The following ST18 variants were observed in gnomAD, a reference collection of about 807,000 sequenced individuals.
ST18 encodes suppression of tumorigenicity 18 protein.
In ST18, 50 loss-of-function variants were observed where a neutral mutation model predicts 110.0. That is an observed-to-expected ratio of 0.45 (90% CI 0.36 to 0.58). ST18 has a LOEUF of 0.58. ST18 is among the 20% of genes least tolerant of loss of function. The probability of loss-of-function intolerance (pLI) is 0.00; values close to 1 mark genes in which losing one functional copy is unlikely to be tolerated. For missense variants in ST18, 1,306 were observed against 1,280.1 expected, an observed-to-expected ratio of 1.02 and a Z score of -0.31; for synonymous variants, 461 against 452.4, an observed-to-expected ratio of 1.02 and a Z score of -0.24.
At chr8:52,354,460 T>C (rs1231424966) in intron 2 of ST18, among the ~76,000 whole-genome samples, 1 of 152,138 alleles carries the variant, frequency 6.6e-6, no homozygotes, top group Non-Finnish European at 1.5e-5. Context: ...AGGATAATAT[T>C]TGAAGCCTGA....
chr8:52,184,630 T>C (rs181233666), intron 8 of ST18, among the ~76,000 whole-genome samples: 346 of 152,308 alleles, frequency 2.3e-3, no homozygotes, highest in African/African-American at 7.8e-3. Context: ...TCAGAAAAGA[T>C]ACATTAGGAA....
intron 8 of ST18, among the ~76,000 whole-genome samples, chr8:52,203,844 C>A (rs1353993450): frequency 6.6e-6 from 1 of 152,116 alleles, no homozygotes; most frequent in African/African-American, 2.4e-5. Context: ...TCCAAAAGAG[C>A]CTTAGCAATT....
intron 22 of ST18, among the ~76,000 whole-genome samples, chr8:52,129,546 C>T (rs1409407630): frequency 2.0e-5 from 3 of 151,596 alleles, no homozygotes; most frequent in African/African-American, 7.3e-5. Flanking sequence ...ACTACAGTCT[C>T]TTAAGTATTT....
chr8:52,304,472 C>T (rs1432865633), intron 2 of ST18, among the ~76,000 whole-genome samples: 3 of 151,974 alleles, frequency 2.0e-5, no homozygotes, highest in African/African-American at 7.3e-5. Context: ...TCCTTTGGAT[C>T]CAGAAATATT....
At chr8:52,364,440 G>A (rs1375811098) in intron 2 of ST18, among the ~76,000 whole-genome samples, 1 of 152,144 alleles carries the variant, frequency 6.6e-6, no homozygotes, top group Non-Finnish European at 1.5e-5. Flanking sequence ...ACAATTGTTT[G>A]CATTCAGATG....
intron 4 of ST18, among the ~76,000 whole-genome samples, chr8:52,221,184 A>G (rs1245069991): frequency 1.3e-5 from 2 of 152,108 alleles, no homozygotes; most frequent in Non-Finnish European, 2.9e-5. Flanking sequence ...ATTAGATAAG[A>G]GGGACTCTTA....
At chr8:52,114,883 T>C (rs960279268) in intron 25 of ST18, among the ~76,000 whole-genome samples, 9 of 152,220 alleles carry the variant, frequency 5.9e-5, no homozygotes, top group Admixed American at 3.3e-4. Context: ...TAGAGTGCCC[T>C]GTGTGGTGAG....
At chr8:52,224,659 C>T (rs1218839172) in intron 3 of ST18, among the ~76,000 whole-genome samples, 1 of 152,150 alleles carries the variant, frequency 6.6e-6, no homozygotes, top group Non-Finnish European at 1.5e-5. Context: ...TGGTATCTCG[C>T]TTACTTTTAG....
At chr8:52,215,147 G>C (rs2083663841) in intron 6 of ST18, among the ~76,000 whole-genome samples, 1 of 152,192 alleles carries the variant, frequency 6.6e-6, no homozygotes, top group Non-Finnish European at 1.5e-5. Flanking sequence ...CCTGACACTA[G>C]CTCTGATGTG....
chr8:52,247,393 C>T (rs902207380), intron 2 of ST18, among the ~76,000 whole-genome samples: 1 of 151,640 alleles, frequency 6.6e-6, no homozygotes, highest in African/African-American at 2.4e-5. Flanking sequence ...ACAATACAGA[C>T]CTATTCTGTT....
chr8:52,325,916 A>G (rs1045262260), intron 2 of ST18, among the ~76,000 whole-genome samples: 1 of 152,154 alleles, frequency 6.6e-6, no homozygotes, highest in Non-Finnish European at 1.5e-5. Flanking sequence ...CAAACTGTTC[A>G]TTTCTCCCAA....
rs746952204 is a variant in ST18 at position 52,126,099 on chromosome 8, C to T, written c.2708G>A (p.Gly903Asp). The change falls in exon 23 of 26, where the codon GGC becomes GAC. Residue 903 changes from glycine to aspartate, a missense_variant. Coordinates refer to ENST00000689386, the MANE Select transcript of ST18 (RefSeq NM_001352837.2). ...GGTCATGAGTTCTTCAGAAACCTTG[C>T]CCTTTTTGATAACTTGTGCATTGAG... ...CPLNAQVIKK[G>D]KVSEELMTIK... 2.5e-6 allele frequency: 4 copies of T among 1,614,066 alleles called. No individual in the cohort carries two copies. Among genetic ancestry groups the T allele is most frequent in the South Asian group, 2.2e-5 (2 of 91,074 alleles).
intron 2 of ST18, among the ~76,000 whole-genome samples, chr8:52,308,992 G>A (rs2095857767): frequency 6.6e-6 from 1 of 152,218 alleles, no homozygotes; most frequent in South Asian, 2.1e-4. Flanking sequence ...TGGCTACTGT[G>A]TATCAGTCAC....
intron 8 of ST18, among the ~76,000 whole-genome samples, chr8:52,189,377 C>T (rs1350836587): frequency 1.3e-5 from 2 of 152,120 alleles, no homozygotes; most frequent in Non-Finnish European, 2.9e-5. Context: ...AAAACAATGG[C>T]CCACACTAAT....
intron 22 of ST18, among the ~76,000 whole-genome samples, chr8:52,130,652 C>T (rs1156686911): frequency 6.6e-6 from 1 of 152,222 alleles, no homozygotes; most frequent in East Asian, 1.9e-4. Flanking sequence ...AGATAATTTG[C>T]TTCTTAAAGT....
intron 2 of ST18, among the ~76,000 whole-genome samples, chr8:52,340,847 G>A (rs554015563): frequency 9.7e-4 from 148 of 152,210 alleles, no homozygotes; most frequent in African/African-American, 3.4e-3. Context: ...ACAAAAAACC[G>A]CGAAGTGCCT....
chr8:52,383,844 C>T (rs1459139700), intron 2 of ST18, among the ~76,000 whole-genome samples: 1 of 149,754 alleles, frequency 6.7e-6, no homozygotes, highest in Non-Finnish European at 1.5e-5. Flanking sequence ...AAACCCCTGG[C>T]TCATAGGATC....
At chr8:52,331,068 G>A (rs1389981883) in intron 2 of ST18, among the ~76,000 whole-genome samples, 1 of 152,110 alleles carries the variant, frequency 6.6e-6, no homozygotes, top group Non-Finnish European at 1.5e-5. Context: ...GGCTGCAGTT[G>A]CTGTGCAACT....
intron 22 of ST18, among the ~76,000 whole-genome samples, chr8:52,128,739 G>T (rs1490035544): frequency 6.6e-6 from 1 of 152,118 alleles, no homozygotes; most frequent in Non-Finnish European, 1.5e-5. Context: ...TAGGGGAAGT[G>T]GGGTGACACT....
Sources: gnomAD v4.1 joint callset for allele counts (sites outside exome capture counted in the v4.1 genomes callset) on GRCh38, gnomAD v4.1.1 for gene constraint, MANE v1.5 for transcripts, NCBI Gene and HGNC (gene_info 2026-07-23, HGNC 2026-07-21) for gene names.